The following EYS variants were observed in gnomAD, a reference collection of about 807,000 sequenced individuals.
The protein encoded by EYS is protein eyes shut homolog.
In EYS, 250 loss-of-function variants were observed where a neutral mutation model predicts 282.1. That is an observed-to-expected ratio of 0.89 (90% CI 0.80 to 0.98). The LOEUF (loss-of-function observed/expected upper bound fraction) is 0.98, where lower values mean the gene tolerates loss of function less well. EYS is among the 50% of genes least tolerant of loss of function. The pLI, the probability that EYS is intolerant of heterozygous loss-of-function variation, is 0.00. For missense variants in EYS, 4,016 were observed against 3,709.0 expected (o/e 1.08, Z -2.15); for synonymous variants, 1,355 against 1,282.9 (o/e 1.06, Z -1.20).
chr6:64,251,153 T>A (rs917116004), intron 30 of EYS, among the ~76,000 whole-genome samples: 1 of 152,190 alleles, frequency 6.6e-6, no homozygotes, highest in Admixed American at 6.6e-5. Context: ...AGCAGTATCC[T>A]CAGGACAATA....
chr6:65,705,828 G>C lies in EYS; in HGVS notation c.-448+1307C>G, dbSNP rs137969701. On this transcript the variant is annotated intron_variant, in intron 1 of 42. Transcript: ENST00000503581. ...TTTTTAGGCCAATTAAAACTATTAA[G>C]TTAAAAACTGAGAATTATTTTTAAA... Among the ~76,000 whole-genome samples the C allele has an allele frequency of 9.4e-3, 1,431 of 152,046 alleles. 8 individuals carry two copies. The highest frequency in any genetic ancestry group is 0.016 in the Non-Finnish European group (1,075 of 67,940).
chr6:65,390,397 G>T (rs1765976773), intron 7 of EYS, among the ~76,000 whole-genome samples: 1 of 151,176 alleles, frequency 6.6e-6, no homozygotes, highest in Non-Finnish European at 1.5e-5. Flanking sequence ...AGAGAGAGAG[G>T]ATACAGCTGC....
Position 63,852,935 on chromosome 6 carries a change from C to T in EYS, c.7228+11251G>A, listed in dbSNP as rs1478261970. Reference sequence around the variant, plus strand: ...AAGGCCTTTGATAAAATTCAACACCCCTTCATGCTAAAAACACTCAATAAA... The same window carrying T: ...AAGGCCTTTGATAAAATTCAACACCTCTTCATGCTAAAAACACTCAATAAA... On this transcript the variant is annotated intron_variant, in intron 36 of 42. Transcript: ENST00000503581. Among the ~76,000 whole-genome samples the T allele has an allele frequency of 2.6e-5, 4 of 152,136 alleles. No individual in the cohort carries two copies. The East Asian group carries it at 7.7e-4, about 29-fold the overall frequency.
intron 12 of EYS, among the ~76,000 whole-genome samples, chr6:65,138,960 A>C (rs774727215): frequency 1.4e-4 from 21 of 152,156 alleles, no homozygotes; most frequent in Non-Finnish European, 2.9e-5. Context: ...TGTGGAGAAA[A>C]GTGAATGCTT....
At chr6:65,284,229 C>T (rs1582099538) in intron 12 of EYS, among the ~76,000 whole-genome samples, 1 of 152,196 alleles carries the variant, frequency 6.6e-6, no homozygotes, top group East Asian at 1.9e-4. Context: ...AACAGAAAAT[C>T]TATCTTCTCA....
At chr6:65,006,410 G>A (rs1309985898) in intron 13 of EYS, among the ~76,000 whole-genome samples, 9 of 147,968 alleles carry the variant, frequency 6.1e-5, no homozygotes, top group Non-Finnish European at 8.9e-5. Context: ...TCAGTCAGTC[G>A]GTAGGGACAA....
At chr6:64,191,866 A>G (rs987264016) in intron 31 of EYS, among the ~76,000 whole-genome samples, 2 of 151,062 alleles carry the variant, frequency 1.3e-5, no homozygotes, top group African/African-American at 4.9e-5. Context: ...GCTGGGTCAA[A>G]TGGTATTTCT....
chr6:64,746,693 G>A (rs1403681703), intron 22 of EYS, among the ~76,000 whole-genome samples: 1 of 152,100 alleles, frequency 6.6e-6, no homozygotes, highest in Non-Finnish European at 1.5e-5. Flanking sequence ...CCACCACAAG[G>A]TCTATTTTTA....
chr6:63,891,165 A>G (rs975734207), intron 35 of EYS, among the ~76,000 whole-genome samples: 2 of 152,252 alleles, frequency 1.3e-5, no homozygotes, highest in African/African-American at 4.8e-5. Context: ...AGGTACAAAG[A>G]GGAGCTGGTA....
Position 63,905,669 on chromosome 6 carries a change from T to G in EYS, c.7056-41311A>C, listed in dbSNP as rs866292781. On this transcript the variant is annotated intron_variant, in intron 35 of 42. Coordinates refer to ENST00000503581, the MANE Select transcript of EYS (RefSeq NM_001142800.2). ...CAGGAGTAAAATTTAATAGAATGAC[T>G]CAAATACTATCAGCGGCACATTTTA... Among the ~76,000 whole-genome samples, 3 of 152,204 alleles carry G rather than the reference T, an allele frequency of 2.0e-5. No individual in the cohort carries two copies. In the South Asian group the frequency reaches 6.2e-4, roughly 31 times the overall value.
At chr6:64,387,987 T>C (rs993141437) in intron 29 of EYS, among the ~76,000 whole-genome samples, 1 of 152,102 alleles carries the variant, frequency 6.6e-6, no homozygotes, top group African/African-American at 2.4e-5. Flanking sequence ...TCCAATAATA[T>C]AAAAATAGTA....
intron 29 of EYS, among the ~76,000 whole-genome samples, chr6:64,319,477 G>A (rs1235151640): frequency 4.6e-5 from 7 of 151,972 alleles, no homozygotes; most frequent in Non-Finnish European, 8.8e-5. Flanking sequence ...ACTGTGAATA[G>A]GGCTTCTGCT....
At chr6:64,248,224 G>A (rs562044430) in intron 30 of EYS, among the ~76,000 whole-genome samples, 1 of 147,522 alleles carries the variant, frequency 6.8e-6, no homozygotes, top group African/African-American at 2.6e-5. Flanking sequence ...TGTGTGTATA[G>A]GTGCGTCTTG....
intron 33 of EYS, among the ~76,000 whole-genome samples, chr6:64,007,869 G>A (rs192017447): frequency 2.2e-3 from 328 of 152,106 alleles, no homozygotes; most frequent in Non-Finnish European, 5.7e-4. Flanking sequence ...GTATGGTTTT[G>A]GTTGTTTAAA....
At chr6:65,597,255 G>C (rs777578841) in intron 2 of EYS, among the ~76,000 whole-genome samples, 1 of 152,030 alleles carries the variant, frequency 6.6e-6, no homozygotes, top group Non-Finnish European at 1.5e-5. Context: ...AGTGAACCAA[G>C]AAACAGCATT....
At chr6:65,643,470 G>T (rs769061291) in intron 1 of EYS, among the ~76,000 whole-genome samples, 1 of 152,128 alleles carries the variant, frequency 6.6e-6, no homozygotes, top group African/African-American at 2.4e-5. Context: ...CAAAGAAAAA[G>T]GACATAATCT....
intron 35 of EYS, among the ~76,000 whole-genome samples, chr6:63,924,419 T>C (rs1764658567): frequency 6.6e-6 from 1 of 152,240 alleles, no homozygotes; most frequent in Non-Finnish European, 1.5e-5. Flanking sequence ...ATGCAAGTGA[T>C]ACACTCTGTG....
In EYS at chr6:65,703,830, T is replaced by C. The variant is rs553950439; in HGVS notation, c.-448+3305A>G. 1.2e-4 allele frequency among the ~76,000 whole-genome samples: 18 copies of C among 152,190 alleles called. No individual in the cohort carries two copies. The East Asian group carries it at 3.5e-3, about 29-fold the overall frequency. ...AAGACCTTGAGGACAGAAAAATGAA[T>C]TGTTTCTGAAAATTAACTGTAAATT... On this transcript the variant is annotated intron_variant, in intron 1 of 42. Coordinates refer to ENST00000503581, the MANE Select transcript of EYS (RefSeq NM_001142800.2).
chr6:64,868,004 A>C (rs1766476307), intron 19 of EYS, among the ~76,000 whole-genome samples: 1 of 151,468 alleles, frequency 6.6e-6, no homozygotes, highest in Non-Finnish European at 1.5e-5. Flanking sequence ...TATATCATTT[A>C]GAAGAAGCTC....
Sources: gnomAD v4.1 joint callset for allele counts (sites outside exome capture counted in the v4.1 genomes callset) on GRCh38, gnomAD v4.1.1 for gene constraint, MANE v1.5 for transcripts, NCBI Gene and HGNC (gene_info 2026-07-23, HGNC 2026-07-21) for gene names.